ADGRL3: variants seen among roughly 807,000 people sequenced by gnomAD.
The protein encoded by ADGRL3 is adhesion G protein-coupled receptor L3.
A neutral mutation model predicts 153.5 loss-of-function variants in ADGRL3; 62 were observed. The observed-to-expected ratio is 0.40, with a 90% confidence interval of 0.33 to 0.50. The LOEUF (loss-of-function observed/expected upper bound fraction) is 0.50, where lower values mean the gene tolerates loss of function less well. ADGRL3 is among the 20% of genes least tolerant of loss of function. ADGRL3 has a pLI of 0.47. For synonymous variants in ADGRL3, 710 were observed against 672.5 expected (o/e 1.06, Z -0.86); for missense variants, 1,641 against 1,859.4 (o/e 0.88, Z 2.16).
intron 1 of ADGRL3, among the ~76,000 whole-genome samples, chr4:61,240,413 A>T (rs1754458932): frequency 6.6e-6 from 1 of 152,118 alleles, no homozygotes; most frequent in South Asian, 2.1e-4. Flanking sequence ...AGTATTTTCC[A>T]AAAGGATCTT....
At chr4:61,579,664 T>C (rs2098915201) in intron 4 of ADGRL3, 1 of 463,126 alleles carries the variant, frequency 2.2e-6, no homozygotes, top group South Asian at 1.6e-5. Flanking sequence ...TACCACTCAT[T>C]AGAATTTTTT....
chr4:61,676,521 C>T (rs1031136127), intron 5 of ADGRL3, among the ~76,000 whole-genome samples: 2 of 151,418 alleles, frequency 1.3e-5, no homozygotes, highest in African/African-American at 2.4e-5. Flanking sequence ...TACTTGTGTT[C>T]ACATTGGCAA....
intron 2 of ADGRL3, among the ~76,000 whole-genome samples, chr4:61,387,417 A>G (rs1270456106): frequency 6.6e-6 from 1 of 151,936 alleles, no homozygotes; most frequent in African/African-American, 2.4e-5. Context: ...TTAAGTGGGA[A>G]TTTCCTCTTC....
intron 8 of ADGRL3, among the ~76,000 whole-genome samples, chr4:61,754,197 G>A (rs1360859104): frequency 3.3e-5 from 5 of 152,030 alleles, no homozygotes; most frequent in Admixed American, 2.0e-4. Flanking sequence ...TGACCTTCCA[G>A]TCAAAGGCTT....
intron 1 of ADGRL3, among the ~76,000 whole-genome samples, chr4:61,377,811 T>G (rs2096622185): frequency 1.3e-5 from 2 of 152,008 alleles, no homozygotes; most frequent in Admixed American, 1.3e-4. Context: ...CTTCCTACTT[T>G]TCTAATGTAG....
chr4:61,408,479 T>A (rs2097033896), intron 2 of ADGRL3, among the ~76,000 whole-genome samples: 1 of 151,936 alleles, frequency 6.6e-6, no homozygotes, highest in African/African-American at 2.4e-5. Flanking sequence ...ATACAGAGAT[T>A]ACTTTGATCG....
At chr4:61,797,994 C>A (rs1024490337) in intron 8 of ADGRL3, among the ~76,000 whole-genome samples, 2 of 152,140 alleles carry the variant, frequency 1.3e-5, no homozygotes, top group African/African-American at 4.8e-5. Flanking sequence ...AAGGCATAGC[C>A]TTCTAGAACA....
chr4:61,490,775 A>G (rs1333769617), intron 2 of ADGRL3, among the ~76,000 whole-genome samples: 1 of 151,928 alleles, frequency 6.6e-6, no homozygotes, highest in Non-Finnish European at 1.5e-5. Context: ...CAAGAGTTTC[A>G]GGAGAAACTC....
chr4:61,391,199 C>T (rs1007324888), intron 2 of ADGRL3, among the ~76,000 whole-genome samples: 5 of 152,124 alleles, frequency 3.3e-5, no homozygotes, highest in South Asian at 2.1e-4. Flanking sequence ...AGCATGGCCC[C>T]GGCATCTGTT....
At chr4:61,615,810 A>C (rs2149753835) in intron 5 of ADGRL3, among the ~76,000 whole-genome samples, 1 of 152,244 alleles carries the variant, frequency 6.6e-6, no homozygotes, top group Non-Finnish European at 1.5e-5. Context: ...TATGGTACTA[A>C]AAATTTCAAA....
At chr4:62,050,652 A>G (rs1207653228) in intron 25 of ADGRL3, among the ~76,000 whole-genome samples, 1 of 152,090 alleles carries the variant, frequency 6.6e-6, no homozygotes, top group Admixed American at 6.6e-5. Context: ...AATGATTTAT[A>G]TAAATTAAAG....
chr4:62,013,608 G>A lies in ADGRL3; in HGVS notation c.3396-15247G>A, dbSNP rs188839729. ...TGAATTTAACATGTCTTCAAAAAAC[G>A]GCCGGGCATGGTGACTTATGCCTGT... is the stretch of plus-strand genomic sequence containing the variant. On this transcript the variant is annotated intron_variant, in intron 21 of 26. Transcript: ENST00000683033. Among the ~76,000 whole-genome samples, 815 of 151,898 alleles carry A rather than the reference G, an allele frequency of 5.4e-3. 16 individuals are homozygous for A. Among genetic ancestry groups the A allele is most frequent in the Non-Finnish European group, 3.9e-3 (263 of 67,938 alleles).
At chr4:61,930,253 T>C (rs941460605) in intron 13 of ADGRL3, among the ~76,000 whole-genome samples, 1 of 152,064 alleles carries the variant, frequency 6.6e-6, no homozygotes, top group African/African-American at 2.4e-5. Flanking sequence ...GGGGTATTTA[T>C]TTTTACGTTT....
intron 6 of ADGRL3, among the ~76,000 whole-genome samples, chr4:61,714,376 A>T (rs1438406373): frequency 7.1e-6 from 1 of 141,476 alleles, no homozygotes; most frequent in East Asian, 2.0e-4. Flanking sequence ...ACACACACAA[A>T]CACACACACA....
At chr4:61,505,103 C>T (rs530570932) in intron 3 of ADGRL3, among the ~76,000 whole-genome samples, 4 of 152,194 alleles carry the variant, frequency 2.6e-5, no homozygotes, top group Non-Finnish European at 4.4e-5. Context: ...TCCACATCCT[C>T]ACTAGCATTT....
chr4:61,501,696 A>G (rs1397414992), intron 3 of ADGRL3, among the ~76,000 whole-genome samples: 1 of 152,194 alleles, frequency 6.6e-6, no homozygotes, highest in Non-Finnish European at 1.5e-5. Context: ...TAATCTCTAC[A>G]TGAACAAAAT....
At chr4:61,668,775 C>T (rs1011004445) in intron 5 of ADGRL3, among the ~76,000 whole-genome samples, 4 of 152,082 alleles carry the variant, frequency 2.6e-5, no homozygotes, top group East Asian at 3.9e-4. Context: ...TTCCAACACT[C>T]GAGAGGCTGA....
intron 13 of ADGRL3, among the ~76,000 whole-genome samples, chr4:61,929,913 G>A (rs1283322261): frequency 3.3e-5 from 5 of 152,140 alleles, no homozygotes; most frequent in African/African-American, 4.8e-5. Context: ...AGTGGCTCAC[G>A]CCTGTAATCT....
intron 1 of ADGRL3, among the ~76,000 whole-genome samples, chr4:61,306,107 A>AT (rs980790408): frequency 1.3e-5 from 2 of 151,076 alleles, no homozygotes; most frequent in African/African-American, 4.9e-5. Context: ...TAATTAATTA[A>AT]TTTTTTTTGA....
Sources: gnomAD v4.1 joint callset for allele counts (sites outside exome capture counted in the v4.1 genomes callset) on GRCh38, gnomAD v4.1.1 for gene constraint, MANE v1.5 for transcripts, NCBI Gene and HGNC (gene_info 2026-07-23, HGNC 2026-07-21) for gene names.